Variants in ABCC6 observed in about 807,000 individuals in gnomAD.
ABCC6 encodes the protein ATP-binding cassette sub-family C member 6.
In ABCC6, 126 loss-of-function variants were observed where a neutral mutation model predicts 169.5. The observed-to-expected ratio is 0.74, with a 90% CI of 0.64 to 0.86. ABCC6 has a LOEUF of 0.86. Among genes scored for constraint, ABCC6 ranks in the 40% least tolerant of loss-of-function variants. The probability of loss-of-function intolerance (pLI) is 0.00; values close to 1 mark genes in which losing one functional copy is unlikely to be tolerated. For synonymous variants in ABCC6, 752 were observed against 814.7 expected (o/e 0.92, Z 1.31); for missense variants, 1,733 against 1,927.2 (o/e 0.90, Z 1.89).
intron 10 of ABCC6, 130 bp downstream of exon 10, chr16:16,197,891 G>C: frequency 9.0e-7 from 1 of 1,116,114 alleles, no homozygotes; most frequent in Non-Finnish European, 1.3e-6. Context: ...TAACCCTGGG[G>C]TCACAGCGGA....
chr16:16,173,700 T>TTTTC (rs2047183649), intron 20 of ABCC6, among the ~76,000 whole-genome samples: 1 of 75,990 alleles, frequency 1.3e-5, no homozygotes, highest in East Asian at 5.4e-4. Context: ...AATTTTCTTT[T>TTTTC]TTTTTTTTTT....
intron 30 of ABCC6, 21 bp downstream of exon 30, chr16:16,150,557 A>C (rs755653470): frequency 5.6e-6 from 9 of 1,602,066 alleles, no homozygotes; most frequent in Non-Finnish European, 6.0e-6. Flanking sequence ...CTGTGAGGTC[A>C]GGCCGGGGCG....
intron 19 of ABCC6, 51 bp downstream of exon 19, chr16:16,177,401 C>T (rs751339808): frequency 1.9e-6 from 3 of 1,610,586 alleles, no homozygotes; most frequent in African/African-American, 1.3e-5. Flanking sequence ...GCCTTTTCCC[C>T]CAAGGGTGGC....
chr16:16,169,029 C>T (rs867276626), intron 22 of ABCC6, among the ~76,000 whole-genome samples: 1 of 152,006 alleles, frequency 6.6e-6, no homozygotes, highest in Non-Finnish European at 1.5e-5. Context: ...TGCAGTGAGC[C>T]GAGACGGCAG....
intron 4 of ABCC6, among the ~76,000 whole-genome samples, chr16:16,217,226 G>T (rs2048909510): frequency 1.3e-5 from 2 of 152,080 alleles, no homozygotes; most frequent in South Asian, 4.1e-4. Context: ...CAGACAATTG[G>T]ATATTCCAAT....
chr16:16,156,919 G>A (rs536203039), intron 27 of ABCC6, among the ~76,000 whole-genome samples: 4 of 144,112 alleles, frequency 2.8e-5, no homozygotes, highest in African/African-American at 1.0e-4. Context: ...CTCCAGCCTG[G>A]GCAACAGAGT....
At chr16:16,164,868 A>G (rs893111971) in intron 23 of ABCC6, among the ~76,000 whole-genome samples, 1 of 152,202 alleles carries the variant, frequency 6.6e-6, no homozygotes, top group Non-Finnish European at 1.5e-5. Context: ...CACTGAGTGA[A>G]GATATGGAGA....
rs767997301 is a variant in ABCC6 at position 16,173,400 on chromosome 16, T to G, written c.2671A>C (p.Ile891Leu). The change falls in exon 21 of 31, where the codon ATC (isoleucine) becomes CTC (leucine). Residue 891 changes from isoleucine (I) to leucine (L), a missense_variant. By Grantham distance (5) the Ile-to-Leu change is conservative. Coordinates refer to ENST00000205557, the MANE Select transcript of ABCC6 (RefSeq NM_001171.6). Reference protein sequence around the residue: ...RRPELRRERSIKSVPEKDRTT... With the variant: ...RRPELRRERSLKSVPEKDRTT... ...CGGTCCTTCTCAGGGACTGACTTGA[T>G]GGACCTGTCATTTAGAGGAAATGAA... The G allele has an allele frequency of 1.2e-6, 2 of 1,614,142 alleles. No homozygotes were observed. The highest frequency in any genetic ancestry group is 8.5e-7 in the Non-Finnish European group (1 of 1,180,028).
chr16:16,166,046 C>T, intron 22 of ABCC6, 113 bp from the exon 23 acceptor site: 1 of 1,066,918 alleles, frequency 9.4e-7, no homozygotes, highest in Non-Finnish European at 1.4e-6. Context: ...ATGGCTTGGC[C>T]ACCCTGATTA....
chr16:16,195,683 C>T (rs2048015373), intron 10 of ABCC6, among the ~76,000 whole-genome samples: 1 of 152,034 alleles, frequency 6.6e-6, no homozygotes, highest in Non-Finnish European at 1.5e-5. Flanking sequence ...CATGTTCTTC[C>T]TCTCTCCCTC....
Position 16,184,949 on chromosome 16 carries a change from C to T in ABCC6, c.1943+10G>A, listed in dbSNP as rs116092959. On this transcript the variant is annotated intron_variant, in intron 15 of 30. Transcript: ENST00000205557. The stretch of plus-strand genomic sequence containing the variant: ...ACATGAGGCTGGTTACTACGGGTGT[C>T]GTTCTGTACCTGTGGAGGCAGGGAG... 20 of 1,610,728 alleles carry T rather than the reference C, an allele frequency of 1.2e-5. No homozygotes were observed. The highest frequency in any genetic ancestry group is 4.5e-5 in the East Asian group (2 of 44,858).
rs971577052 is a variant in ABCC6 at position 16,220,670 on chromosome 16, C to T, written c.220-723G>A. Among the ~76,000 whole-genome samples the T allele has an allele frequency of 4.6e-5, 7 of 152,084 alleles. No homozygotes were observed. The South Asian group carries it at 6.2e-4, about 14-fold the overall frequency. ...CAGCACTTTGGCAGGCCAAGGCAGG[C>T]AGATCACCTGAGGTCAGGAGTTGGA... On this transcript the variant is annotated intron_variant, in intron 2 of 30. Transcript: ENST00000205557.
At chr16:16,215,110 C>G (rs2048809712) in intron 4 of ABCC6, among the ~76,000 whole-genome samples, 1 of 152,218 alleles carries the variant, frequency 6.6e-6, no homozygotes, top group African/African-American at 2.4e-5. Flanking sequence ...ATCTTCAACC[C>G]TGCTCCCCCT....
intron 4 of ABCC6, 64 bp from the exon 5 acceptor site, chr16:16,214,513 G>T: frequency 6.4e-7 from 1 of 1,551,158 alleles, no homozygotes. Flanking sequence ...GGAGAGAAAA[G>T]GTTTCTGATC....
At chr16:16,213,240 T>C (rs950242179) in intron 5 of ABCC6, among the ~76,000 whole-genome samples, 3 of 152,100 alleles carry the variant, frequency 2.0e-5, no homozygotes, top group African/African-American at 4.8e-5. Context: ...ACTACAGGCA[T>C]GCACCACCAC....
chr16:16,154,823 C>G, intron 28 of ABCC6, 29 bp from the exon 29 acceptor site: 1 of 1,608,518 alleles, frequency 6.2e-7, no homozygotes. Flanking sequence ...GGGTCAGAGC[C>G]GGGTCCCACC....
chr16:16,185,707 C>T (rs2047636613), intron 14 of ABCC6, among the ~76,000 whole-genome samples: 1 of 152,186 alleles, frequency 6.6e-6, no homozygotes, highest in Non-Finnish European at 1.5e-5. Flanking sequence ...ATTGCTTGAA[C>T]CCAGGAGGCG....
chr16:16,217,585 C>A (rs2048925351), intron 4 of ABCC6, among the ~76,000 whole-genome samples: 1 of 152,210 alleles, frequency 6.6e-6, no homozygotes, highest in East Asian at 1.9e-4. Flanking sequence ...ACTGTGAACT[C>A]TTGTGAGAAT....
At chr16:16,174,386 C>G (rs1390260268) in intron 20 of ABCC6, among the ~76,000 whole-genome samples, 1 of 152,102 alleles carries the variant, frequency 6.6e-6, no homozygotes. Context: ...AATCTTTGAC[C>G]CCGTGGCTGT....
Sources: allele counts gnomAD v4.1 joint callset (sites outside exome capture counted in the v4.1 genomes callset), GRCh38; gene constraint gnomAD v4.1.1; transcripts MANE v1.5; gene names NCBI Gene and HGNC (gene_info 2026-07-23, HGNC 2026-07-21).